Variants in CACNA1E observed in about 807,000 individuals in gnomAD.
CACNA1E encodes calcium voltage-gated channel subunit alpha1 E, also known as voltage-dependent R-type calcium channel subunit alpha-1E.
CACNA1E carries 40 observed loss-of-function variants against 259.2 expected under a neutral mutation model. The observed-to-expected ratio is 0.15, with a 90% confidence interval of 0.12 to 0.20. The LOEUF is 0.20. Ranked by LOEUF, CACNA1E falls within the 10% of genes least tolerant of loss-of-function variation. The probability of loss-of-function intolerance (pLI) is 1.00; values close to 1 mark genes in which losing one functional copy is unlikely to be tolerated. For synonymous variants in CACNA1E, 1,104 were observed against 1,138.5 expected, an observed-to-expected ratio of 0.97 and a Z score of 0.61; for missense variants, 1,874 against 3,040.1, an observed-to-expected ratio of 0.62 and a Z score of 9.02.
In CACNA1E at chr1:181,800,374, T is replaced by G. The variant is rs1662183382; in HGVS notation, c.*1540T>G. The stretch of plus-strand genomic sequence containing the variant: ...GGGGCTGACAGTCCCACCCTGTCAT[T>G]CCTAATAGCCCAAACGCAGAAGCAC... On this transcript the variant is annotated 3_prime_UTR_variant, in exon 48 of 48. Transcript: ENST00000367573. 1 of 152,614 alleles carries G rather than the reference T, an allele frequency of 6.6e-6. No homozygotes were observed. Among genetic ancestry groups the G allele is most frequent in the African/African-American group, 2.4e-5 (1 of 41,430 alleles). 9.5% of individuals were successfully genotyped at this position (152,614 alleles called of 1,614,324 possible).
intron 6 of CACNA1E, among the ~76,000 whole-genome samples, chr1:181,609,105 T>G (rs1197918334): frequency 6.6e-6 from 1 of 152,194 alleles, no homozygotes; most frequent in Non-Finnish European, 1.5e-5. Flanking sequence ...GAATGAATGC[T>G]TTGCCCAGCA....
chr1:181,748,085 A>C (rs1458561192), intron 25 of CACNA1E, among the ~76,000 whole-genome samples: 2 of 152,234 alleles, frequency 1.3e-5, no homozygotes, highest in East Asian at 3.8e-4. Context: ...GCTCCTCTGC[A>C]GTAAGAGACC....
At chr1:181,601,155 G>A (rs1326024345) in intron 6 of CACNA1E, among the ~76,000 whole-genome samples, 3 of 152,162 alleles carry the variant, frequency 2.0e-5, no homozygotes, top group Non-Finnish European at 4.4e-5. Context: ...AGGGCAGGTA[G>A]AGATTCGGGT....
intron 1 of CACNA1E, among the ~76,000 whole-genome samples, chr1:181,390,898 G>A (rs147476507): frequency 5.9e-5 from 9 of 152,264 alleles, no homozygotes; most frequent in Non-Finnish European, 4.4e-5. Context: ...AAAGATGCCC[G>A]AGGCTTCATG....
At chr1:181,672,386 G>GA (rs1440327433) in intron 7 of CACNA1E, among the ~76,000 whole-genome samples, 1 of 151,924 alleles carries the variant, frequency 6.6e-6, no homozygotes, top group African/African-American at 2.4e-5. Context: ...AGTAACTTTT[G>GA]AAAAAAAGGA....
Position 181,785,815 on chromosome 1 carries a change from G to T in CACNA1E, c.5782G>T (p.Gly1928Cys). ...LPYLQQDPVS[G>C]LSGRSGYPSM... ...TTACCTCCAGCAGGACCCCGTTTCA[G>T]GCCTGTGAGTAGCACCAAAACATCC... is the stretch of plus-strand genomic sequence containing the variant. Residue 1928 changes from glycine to cysteine, a missense_variant, in exon 43 of 48, where the codon GGC becomes TGC. Physicochemically the swap from Gly to Cys is radical, Grantham distance 159 (BLOSUM62 -3). Coordinates refer to ENST00000367573, the MANE Select transcript of CACNA1E (RefSeq NM_001205293.3). The T allele has an allele frequency of 6.2e-7, 1 of 1,600,940 alleles. No individual in the cohort carries two copies. Among genetic ancestry groups the T allele is most frequent in the Non-Finnish European group, 8.5e-7 (1 of 1,172,722 alleles).
At chr1:181,586,235 T>G (rs190517251) in intron 6 of CACNA1E, among the ~76,000 whole-genome samples, 46 of 152,232 alleles carry the variant, frequency 3.0e-4, no homozygotes, top group Non-Finnish European at 5.7e-4. Context: ...TAAAGTATGT[T>G]GGGAGGAAGA....
chr1:181,749,003 G>A (rs989050310), intron 25 of CACNA1E, among the ~76,000 whole-genome samples: 3 of 152,118 alleles, frequency 2.0e-5, no homozygotes, highest in African/African-American at 7.2e-5. Context: ...AACATTTAGA[G>A]GTTATCACAT....
intron 2 of CACNA1E, among the ~76,000 whole-genome samples, chr1:181,428,000 C>G (rs1259467582): frequency 6.6e-6 from 1 of 152,072 alleles, no homozygotes; most frequent in Non-Finnish European, 1.5e-5. Flanking sequence ...TTCCAGCAAC[C>G]CTATCAATGG....
At chr1:181,361,261 C>T (rs911154976) in intron 1 of CACNA1E, among the ~76,000 whole-genome samples, 2 of 152,052 alleles carry the variant, frequency 1.3e-5, no homozygotes. Context: ...AATGTACTGT[C>T]GTAAGCAGAC....
intron 7 of CACNA1E, among the ~76,000 whole-genome samples, chr1:181,710,466 A>G (rs1653237011): frequency 6.6e-6 from 1 of 152,178 alleles, no homozygotes; most frequent in African/African-American, 2.4e-5. Context: ...GGGAATTTTA[A>G]TAGTATTAAT....
At chr1:181,775,284 G>A (rs1427564364) in intron 37 of CACNA1E, among the ~76,000 whole-genome samples, 1 of 152,168 alleles carries the variant, frequency 6.6e-6, no homozygotes, top group African/African-American at 2.4e-5. Flanking sequence ...AAGAACCTGG[G>A]CCAGAAATAC....
intron 1 of CACNA1E, among the ~76,000 whole-genome samples, chr1:181,335,834 A>T (rs1000907094): frequency 6.6e-6 from 1 of 152,180 alleles, no homozygotes; most frequent in East Asian, 1.9e-4. Flanking sequence ...TGTGAGGCTG[A>T]CACCCTGGAG....
chr1:181,678,837 T>A (rs1649637151), intron 7 of CACNA1E, among the ~76,000 whole-genome samples: 1 of 152,226 alleles, frequency 6.6e-6, no homozygotes, highest in South Asian at 2.1e-4. Context: ...ATGTAATGAA[T>A]ACAAAGAACT....
chr1:181,438,861 G>A (rs1309966625), intron 2 of CACNA1E, among the ~76,000 whole-genome samples: 1 of 152,080 alleles, frequency 6.6e-6, no homozygotes, highest in Admixed American at 6.5e-5. Context: ...TGTGTACAAA[G>A]ATTTCATTGT....
chr1:181,380,892 G>A (rs1655411165), intron 1 of CACNA1E, among the ~76,000 whole-genome samples: 1 of 152,194 alleles, frequency 6.6e-6, no homozygotes, highest in Admixed American at 6.5e-5. Context: ...TATAGGCTGG[G>A]CACGGTGGCC....
intron 3 of CACNA1E, among the ~76,000 whole-genome samples, chr1:181,574,154 G>T (rs1650705434): frequency 6.6e-6 from 1 of 152,182 alleles, no homozygotes. Context: ...GGGGAAGGGA[G>T]AGCATCAGGA....
intron 6 of CACNA1E, among the ~76,000 whole-genome samples, chr1:181,599,308 T>C (rs1015909744): frequency 2.0e-5 from 3 of 152,258 alleles, no homozygotes; most frequent in African/African-American, 7.2e-5. Flanking sequence ...TTCCTTTTTA[T>C]GGCTGCAGAG....
At chr1:181,473,628 T>C (rs4652655) in intron 2 of CACNA1E, among the ~76,000 whole-genome samples, 2,276 of 152,346 alleles carry the variant, frequency 0.015, 26 homozygotes, top group Non-Finnish European at 0.024. Flanking sequence ...CTCCTGGTGT[T>C]GTTTCCACCC....
Sources: gnomAD v4.1 joint callset for allele counts (sites outside exome capture counted in the v4.1 genomes callset) on GRCh38, gnomAD v4.1.1 for gene constraint, MANE v1.5 for transcripts, NCBI Gene and HGNC (gene_info 2026-07-23, HGNC 2026-07-21) for gene names.